ARHGEF4: variants seen among roughly 807,000 people sequenced by gnomAD.
ARHGEF4 encodes Rho guanine nucleotide exchange factor 4, also known as APC-stimulated guanine nucleotide exchange factor 1.
ARHGEF4 carries 119 observed loss-of-function variants against 162.0 expected under a neutral mutation model. The observed-to-expected ratio is 0.73, with a 90% confidence interval of 0.63 to 0.86. ARHGEF4 has a LOEUF of 0.86. ARHGEF4 is among the 40% of genes least tolerant of loss of function. The pLI is 0.00. For missense variants in ARHGEF4, 2,488 were observed against 2,456.0 expected, an observed-to-expected ratio of 1.01 and a Z score of -0.28; for synonymous variants, 1,014 against 979.9, an observed-to-expected ratio of 1.03 and a Z score of -0.65.
At chr2:130,903,538 G>A (rs1373197175) in intron 1 of ARHGEF4, among the ~76,000 whole-genome samples, 8 of 152,116 alleles carry the variant, frequency 5.3e-5, no homozygotes, top group African/African-American at 1.4e-4. Context: ...GATTACAGGC[G>A]TGAGCCACCG....
intron 2 of ARHGEF4, among the ~76,000 whole-genome samples, chr2:130,929,579 A>G (rs1035875207): frequency 6.6e-6 from 1 of 152,208 alleles, no homozygotes; most frequent in Non-Finnish European, 1.5e-5. Flanking sequence ...GAGGAGCTTT[A>G]TTTAAAATAA....
At chr2:131,029,742 C>T (rs542885474) in intron 5 of ARHGEF4, among the ~76,000 whole-genome samples, 1 of 152,188 alleles carries the variant, frequency 6.6e-6, no homozygotes, top group Non-Finnish European at 1.5e-5. Context: ...TTAGTAGAGA[C>T]AGGGTTTCAC....
intron 4 of ARHGEF4, among the ~76,000 whole-genome samples, chr2:130,986,373 T>C (rs1172149168): frequency 6.6e-6 from 1 of 152,182 alleles, no homozygotes; most frequent in African/African-American, 2.4e-5. Context: ...TGCCCTGGCC[T>C]GGAGGCACAG....
intron 5 of ARHGEF4, chr2:131,035,370 C>A (rs1690184698): frequency 1.2e-5 from 12 of 1,009,522 alleles, no homozygotes; most frequent in Admixed American, 4.7e-5. Flanking sequence ...CTCCTTCCAC[C>A]CCATGTGCTC....
chr2:130,965,361 G>A (rs6751013), intron 4 of ARHGEF4, among the ~76,000 whole-genome samples: 3,182 of 152,354 alleles, frequency 0.021, 107 homozygotes, highest in African/African-American at 0.072. Context: ...CCTCTGCATT[G>A]AGCACTCCAT....
rs149588181 is a variant in ARHGEF4, at chr2:130,960,399, C to T, written c.3985+13764C>T. Among the ~76,000 whole-genome samples the T allele has an allele frequency of 2.5e-4, 38 of 152,286 alleles. No individual in the cohort carries two copies. In the East Asian group the frequency reaches 7.1e-3, roughly 29 times the overall value. ...CATTGTGTTATCACCCTACAGTATT[C>T]AGTACAGTAACATGCTGTACAGGTT... On this transcript the variant is annotated intron_variant, in intron 4 of 13. Coordinates refer to ENST00000409359, the MANE Select transcript of ARHGEF4 (RefSeq NM_001367493.1).
At chr2:130,938,068 C>T (rs1026722421) in intron 3 of ARHGEF4, among the ~76,000 whole-genome samples, 8 of 152,116 alleles carry the variant, frequency 5.3e-5, no homozygotes, top group Admixed American at 2.0e-4. Flanking sequence ...GTGGCCTGGA[C>T]CTACAACAAC....
At chr2:130,926,412 C>T (rs1466347172) in intron 2 of ARHGEF4, among the ~76,000 whole-genome samples, 1 of 152,090 alleles carries the variant, frequency 6.6e-6, no homozygotes, top group Non-Finnish European at 1.5e-5. Context: ...TGTTGACTCT[C>T]TTTTTTATTC....
At chr2:130,945,997 G>A (rs530912961) in intron 3 of ARHGEF4, among the ~76,000 whole-genome samples, 2 of 152,262 alleles carry the variant, frequency 1.3e-5, no homozygotes, top group South Asian at 2.1e-4. Context: ...GAGGGGCCAG[G>A]TTTATCTCTG....
chr2:130,917,823 C>T (rs148556870), intron 2 of ARHGEF4, among the ~76,000 whole-genome samples: 7 of 106,930 alleles, frequency 6.5e-5, no homozygotes, highest in Non-Finnish European at 9.9e-5. Context: ...TTCTTTTTTT[C>T]TTTTTTTTTT....
intron 4 of ARHGEF4, among the ~76,000 whole-genome samples, chr2:130,977,119 T>C (rs1685787515): frequency 6.6e-6 from 1 of 151,476 alleles, no homozygotes; most frequent in South Asian, 2.1e-4. Flanking sequence ...GTGTATGTGA[T>C]GTGTTTGTGT....
intron 4 of ARHGEF4, among the ~76,000 whole-genome samples, chr2:131,009,759 T>G (rs1048849792): frequency 2.0e-5 from 3 of 152,238 alleles, no homozygotes; most frequent in Non-Finnish European, 4.4e-5. Flanking sequence ...TATGTGCTTC[T>G]GTATATTTTT....
At chr2:131,039,306 T>A in intron 6 of ARHGEF4, 2 of 1,251,074 alleles carry the variant, frequency 1.6e-6, no homozygotes, top group African/African-American at 1.5e-5. Context: ...CCCCCGCAAC[T>A]CCAGGCGCTA....
Position 130,917,117 on chromosome 2 carries a change from C to T in ARHGEF4, c.3171C>T (p.Gly1057=). The T allele has an allele frequency of 6.4e-7, 1 of 1,550,474 alleles. No homozygotes were observed. The highest frequency in any genetic ancestry group is 8.7e-7 in the Non-Finnish European group (1 of 1,146,970). Residue 1057 remains glycine, a synonymous_variant, in exon 2 of 14, where the codon GGC becomes GGT. Transcript: ENST00000409359. Reference sequence around the variant, plus strand: ...AAAAGTCCTGGCTGGCGTCCCCCGGCAGCCCTCGGGCCCAGCAGGCTGGAA... The same window carrying T: ...AAAAGTCCTGGCTGGCGTCCCCCGGTAGCCCTCGGGCCCAGCAGGCTGGAA... The part of the protein sequence containing the change: ...FPEKSWLASP[G]SPRAQQAGIA...
chr2:130,904,611 T>C (rs1680700074), intron 1 of ARHGEF4, among the ~76,000 whole-genome samples: 1 of 152,168 alleles, frequency 6.6e-6, no homozygotes, highest in Non-Finnish European at 1.5e-5. Context: ...TACAAAGAAG[T>C]GATTGCCATG....
intron 1 of ARHGEF4, among the ~76,000 whole-genome samples, chr2:130,851,651 A>G (rs1681424053): frequency 6.6e-6 from 1 of 152,240 alleles, no homozygotes; most frequent in Non-Finnish European, 1.5e-5. Context: ...TGTGGGTCAC[A>G]TGAAGAAGAA....
chr2:130,939,178 A>C (rs749194000), intron 3 of ARHGEF4, among the ~76,000 whole-genome samples: 7 of 152,196 alleles, frequency 4.6e-5, no homozygotes, highest in Non-Finnish European at 8.8e-5. Flanking sequence ...TTCCTGTGTC[A>C]GTTTCCCTAG....
At chr2:131,037,235 A>G (rs746163) in intron 5 of ARHGEF4, among the ~76,000 whole-genome samples, 2 of 151,788 alleles carry the variant, frequency 1.3e-5, no homozygotes, top group African/African-American at 4.8e-5. Flanking sequence ...AGCAGGTTTT[A>G]CCCCCAGGAA....
chr2:131,007,800 CTTTTTTTTT>C (rs70994731), intron 4 of ARHGEF4, among the ~76,000 whole-genome samples: 6 of 55,916 alleles, frequency 1.1e-4, no homozygotes, highest in East Asian at 5.8e-4. Flanking sequence ...CTTTTCTTTT[CTTTTTTTTT>C]TTTTTTTTTT....
Sources: allele counts gnomAD v4.1 joint callset (sites outside exome capture counted in the v4.1 genomes callset), GRCh38; gene constraint gnomAD v4.1.1; transcripts MANE v1.5; gene names NCBI Gene and HGNC (gene_info 2026-07-23, HGNC 2026-07-21).